The following ALKBH2 variants were observed in gnomAD, a reference collection of about 807,000 sequenced individuals.
ALKBH2 encodes alkB homolog 2, alpha-ketoglutarate dependent dioxygenase, also known as DNA oxidative demethylase ALKBH2.
ALKBH2 carries 19 observed loss-of-function variants against 19.7 expected under a neutral mutation model. The ratio of observed to expected loss-of-function variants is 0.97; its 90% CI spans 0.67 to 1.42. The LOEUF (loss-of-function observed/expected upper bound fraction) is 1.42. ALKBH2 is among the 40% of genes most tolerant of loss of function. The pLI is 0.00. For synonymous variants in ALKBH2, 135 were observed against 131.2 expected (o/e 1.03, Z -0.20); for missense variants, 310 against 328.5 (o/e 0.94, Z 0.43).
chr12:109,089,129 T>G (rs1201577462), intron 3 of ALKBH2, among the ~76,000 whole-genome samples: 1 of 152,216 alleles, frequency 6.6e-6, no homozygotes, highest in Non-Finnish European at 1.5e-5. Context: ...AAGGCCATAC[T>G]CTGCATAGCC....
chr12:109,089,875 C>T (rs750624846), intron 3 of ALKBH2, 134 bp downstream of exon 3: 146 of 914,200 alleles, frequency 1.6e-4, no homozygotes, highest in Middle Eastern at 1.2e-3. Flanking sequence ...AGTGCTGGCG[C>T]TATTCCACTC....
At chr12:109,090,313 T>A (rs956482485) in intron 2 of ALKBH2, 106 bp from the exon 3 acceptor site, 13 of 893,720 alleles carry the variant, frequency 1.5e-5, no homozygotes, top group Non-Finnish European at 2.3e-5. Flanking sequence ...GTGCCCCACA[T>A]ACATGCTCCC....
intron 3 of ALKBH2, chr12:109,089,607 G>T (rs2042027609): frequency 8.9e-6 from 2 of 224,234 alleles, no homozygotes; most frequent in Non-Finnish European, 1.8e-5. Flanking sequence ...TTGCAAGATG[G>T]TTATCACTGT....
rs1231719559 is a variant in ALKBH2 at position 109,088,996 on chromosome 12, C to CA, written c.480-485dup. On this transcript the variant is annotated intron_variant, in intron 3 of 3. Coordinates refer to ENST00000429722, the MANE Select transcript of ALKBH2 (RefSeq NM_001145374.2). This position sits in a 1 kb window ranked among gnomAD's most constrained non-coding sequence, Gnocchi z 4.2. ...AAGTGTTGGGATTACAGGCATGAGT[C>CA]ACCACGTCCGGCCAGTTCATGTGCT... Among the ~76,000 whole-genome samples the CA allele has an allele frequency of 6.6e-6, 1 of 152,196 alleles. No homozygotes were observed. Among genetic ancestry groups the CA allele is most frequent in the Admixed American group, 6.5e-5 (1 of 15,282 alleles).
chr12:109,092,306 A>G (rs753389355), intron 2 of ALKBH2: 4 of 712,472 alleles, frequency 5.6e-6, no homozygotes, highest in Admixed American at 8.1e-5. Flanking sequence ...GTAGACAGGC[A>G]ATCCAGTTTC....
At chr12:109,090,393 C>T (rs77282593) in intron 2 of ALKBH2, among the ~76,000 whole-genome samples, 186 bp from the exon 3 acceptor site, 4,062 of 152,302 alleles carry the variant, frequency 0.027, 66 homozygotes, top group Non-Finnish European at 0.04. Context: ...TTAAACCCCT[C>T]TTCAATCATC....
In ALKBH2 at chr12:109,088,454, G is replaced by A. The variant is rs140769082; in HGVS notation, c.538C>T (p.Pro180Ser). 2.2e-5 allele frequency: 36 copies of A among 1,612,590 alleles called. No homozygotes were observed. The African/African-American group carries it at 4.7e-4, about 21-fold the overall frequency. ...EHRDDERELA[P>S]GSPIASVSFG... ...GAGACAGAGGCAATGGGGCTCCCAGGGGCCAGTTCTCTTTCATCATCTCGG... is the reference window on the plus strand; with the variant it reads ...GAGACAGAGGCAATGGGGCTCCCAGAGGCCAGTTCTCTTTCATCATCTCGG... The change falls in exon 4 of 4, where the codon CCT becomes TCT. Residue 180 changes from proline to serine, a missense_variant. Coordinates refer to ENST00000429722, the MANE Select transcript of ALKBH2 (RefSeq NM_001145374.2). This position sits in a 1 kb window ranked among gnomAD's most constrained non-coding sequence, Gnocchi z 4.2.
intron 2 of ALKBH2, among the ~76,000 whole-genome samples, chr12:109,091,279 A>AGGATGCTGAGGTG (rs1329925852): frequency 2.0e-5 from 3 of 152,182 alleles, no homozygotes; most frequent in African/African-American, 7.2e-5. Context: ...CCAGTTACTT[A>AGGATGCTGAGGTG]GGATGCTGAG....
rs1442108663 is a variant in ALKBH2, at chr12:109,093,261, C to A, written c.-166G>T. 1.9e-5 allele frequency: 3 copies of A among 161,646 alleles called. No homozygotes were observed. In the South Asian group the frequency reaches 4.7e-4, roughly 25 times the overall value. The allele number at this position is 161,646 out of a possible 1,614,324, so 10.0% of individuals were successfully genotyped here. On this transcript the variant is annotated 5_prime_UTR_variant, in exon 1 of 4. Transcript: ENST00000429722. The stretch of plus-strand genomic sequence containing the variant: ...CCATAACTGACCTCGCTGCCCCCCA[C>A]CAGTGTTAAAATAGATCAGTCTAGT...
rs201894400 is a variant in ALKBH2, at chr12:109,092,495, C to A, written c.280+12G>T. The stretch of plus-strand genomic sequence containing the variant: ...AATGCACACACACACACACACACAC[C>A]CCTCTGCTTACCTGTAAAATATTCT... On this transcript the variant is annotated intron_variant, in intron 2 of 3. Coordinates refer to ENST00000429722, the MANE Select transcript of ALKBH2 (RefSeq NM_001145374.2). 7.0e-7 allele frequency: 1 copy of A among 1,427,340 alleles called. No individual in the cohort carries two copies. Among genetic ancestry groups the A allele is most frequent in the Non-Finnish European group, 9.4e-7 (1 of 1,066,552 alleles). 88.4% of individuals were successfully genotyped at this position (1,427,340 alleles called of 1,614,324 possible). A position where few individuals can be genotyped will look rare whatever the true frequency, so the allele number is the denominator to read the frequency against.
chr12:109,090,970 C>G (rs932464291), intron 2 of ALKBH2, among the ~76,000 whole-genome samples: 1 of 152,186 alleles, frequency 6.6e-6, no homozygotes, highest in African/African-American at 2.4e-5. Flanking sequence ...AATAAAGAGG[C>G]TGAAATTGGA....
chr12:109,091,061 C>T (rs2042053134), intron 2 of ALKBH2, among the ~76,000 whole-genome samples: 1 of 152,160 alleles, frequency 6.6e-6, no homozygotes, highest in Non-Finnish European at 1.5e-5. Context: ...AAAGATGGGG[C>T]TCACACTGCT....
At chr12:109,093,074 G>T in intron 1 of ALKBH2, 137 bp from the exon 2 acceptor site, 1 of 448,638 alleles carries the variant, frequency 2.2e-6, no homozygotes, top group Non-Finnish European at 3.5e-6. Flanking sequence ...CCACGCCTGA[G>T]CACCTGAATT....
Position 109,092,912 on chromosome 12 carries a change from T to C in ALKBH2, c.-126A>G. 2.0e-6 allele frequency: 3 copies of C among 1,488,998 alleles called. No individual in the cohort carries two copies. Among genetic ancestry groups the C allele is most frequent in the Non-Finnish European group, 2.7e-6 (3 of 1,125,726 alleles). The allele number at this position is 1,488,998 out of a possible 1,614,324, so 92.2% of individuals were successfully genotyped here. On this transcript the variant is annotated 5_prime_UTR_variant, in exon 2 of 4. Coordinates refer to ENST00000429722, the MANE Select transcript of ALKBH2 (RefSeq NM_001145374.2). ...ACAGCAACATTCCTAGTTTCACATT[T>C]TCATTTTAAAGTTTAAAACCATGTC... is the stretch of plus-strand genomic sequence containing the variant.
intron 3 of ALKBH2, chr12:109,089,583 G>GCC: frequency 4.8e-6 from 1 of 209,742 alleles, no homozygotes; most frequent in Non-Finnish European, 9.9e-6. Context: ...AGTCAAATCG[G>GCC]CCTGTTTAAT....
Position 109,093,454 on chromosome 12 carries a change from G to C in ALKBH2, c.-359C>G, listed in dbSNP as rs565575984. 1 of 152,398 alleles carries C rather than the reference G, an allele frequency of 6.6e-6. No homozygotes were observed. The highest frequency in any genetic ancestry group is 2.1e-4 in the South Asian group (1 of 4,834). The allele number at this position is 152,398 out of a possible 1,614,324, so 9.4% of individuals were successfully genotyped here. A position where few individuals can be genotyped will look rare whatever the true frequency, so the allele number is the denominator to read the frequency against. ...TCGGAATCCCGCAGTCACCCTGGTG[G>C]CCTCGTGGTGGGAAAGACGCGCCCC... On this transcript the variant is annotated 5_prime_UTR_variant, in exon 1 of 4. Coordinates refer to ENST00000429722, the MANE Select transcript of ALKBH2 (RefSeq NM_001145374.2).
At chr12:109,089,617 T>G (rs1566114752) in intron 3 of ALKBH2, 1 of 229,778 alleles carries the variant, frequency 4.4e-6, no homozygotes, top group Non-Finnish European at 8.8e-6. Flanking sequence ...GTTATCACTG[T>G]CTGAAATCGT....
chr12:109,090,234 T>A (rs1316448364), intron 2 of ALKBH2, 27 bp from the exon 3 acceptor site: 1 of 1,605,768 alleles, frequency 6.2e-7, no homozygotes, highest in Non-Finnish European at 8.5e-7. Flanking sequence ...TGGCAGTTCC[T>A]TTCTACCTGA....
At chr12:109,089,373 C>A (rs1246525372) in intron 3 of ALKBH2, among the ~76,000 whole-genome samples, 1 of 152,148 alleles carries the variant, frequency 6.6e-6, no homozygotes, top group Non-Finnish European at 1.5e-5. Flanking sequence ...GGGTTCTCCA[C>A]CAGGGTGATT....
Sources: gnomAD v4.1 joint callset for allele counts (sites outside exome capture counted in the v4.1 genomes callset) on GRCh38, gnomAD v4.1.1 for gene constraint, Gnocchi (gnomAD v3.1) non-coding constraint, MANE v1.5 for transcripts, NCBI Gene and HGNC (gene_info 2026-07-23, HGNC 2026-07-21) for gene names.